Variants in SPOCK3 observed in about 807,000 individuals in gnomAD.
SPOCK3 encodes SPARC (osteonectin), cwcv and kazal like domains proteoglycan 3.
SPOCK3 carries 30 observed loss-of-function variants against 56.6 expected under a neutral mutation model. The ratio of observed to expected loss-of-function variants is 0.53; its 90% CI spans 0.40 to 0.72. The LOEUF is 0.72. Ranked by LOEUF, SPOCK3 falls within the 30% of genes least tolerant of loss-of-function variation. The pLI is 0.00. For missense variants in SPOCK3, 527 were observed against 530.0 expected (o/e 0.99, Z 0.06); for synonymous variants, 196 against 183.3 (o/e 1.07, Z -0.56).
chr4:167,047,384 A>G (rs1753827947), intron 3 of SPOCK3, among the ~76,000 whole-genome samples: 1 of 152,240 alleles, frequency 6.6e-6, no homozygotes, highest in South Asian at 2.1e-4. Flanking sequence ...CAACCTGATG[A>G]GGCTAGACAT....
chr4:167,085,035 A>G (rs956629991), intron 2 of SPOCK3, among the ~76,000 whole-genome samples: 2 of 152,058 alleles, frequency 1.3e-5, no homozygotes, highest in Non-Finnish European at 2.9e-5. Flanking sequence ...CTGGAAGCTT[A>G]TATGAGCAAA....
At chr4:166,744,556 T>TA (rs57112664) in intron 8 of SPOCK3, among the ~76,000 whole-genome samples, 37,093 of 151,992 alleles carry the variant, frequency 0.24, 5,544 homozygotes, top group African/African-American at 0.41. Context: ...CTGAAAATTC[T>TA]AAAAACCAGA....
intron 2 of SPOCK3, among the ~76,000 whole-genome samples, chr4:167,104,235 A>T (rs1398331510): frequency 6.6e-6 from 1 of 152,164 alleles, no homozygotes; most frequent in Non-Finnish European, 1.5e-5. Context: ...AAAACGAACT[A>T]AATAAGGCAC....
intron 7 of SPOCK3, among the ~76,000 whole-genome samples, chr4:166,780,871 T>C (rs958142725): frequency 1.3e-5 from 2 of 152,170 alleles, no homozygotes; most frequent in African/African-American, 2.4e-5. Flanking sequence ...GGACCCTCTC[T>C]GAGGCTCAGT....
intron 2 of SPOCK3, among the ~76,000 whole-genome samples, chr4:167,168,753 C>G (rs1730226497): frequency 6.6e-6 from 1 of 152,122 alleles, no homozygotes; most frequent in South Asian, 2.1e-4. Context: ...ATGTTAATCA[C>G]CAAGACAATG....
intron 10 of SPOCK3, 22 bp from the exon 11 acceptor site, chr4:166,735,112 C>T (rs1176372970): frequency 6.5e-7 from 1 of 1,529,234 alleles, no homozygotes; most frequent in Non-Finnish European, 8.9e-7. Context: ...TGAAAGTAAA[C>T]ATAACCTTTA....
At chr4:167,187,707 CTT>C (rs1268931015) in intron 2 of SPOCK3, among the ~76,000 whole-genome samples, 1 of 151,770 alleles carries the variant, frequency 6.6e-6, no homozygotes, top group Non-Finnish European at 1.5e-5. Context: ...TTATATATAT[CTT>C]ATGATTAATA....
rs77383675 is a variant in SPOCK3, at chr4:166,794,953, A to G, written c.590-2664T>C. 4.4e-3 allele frequency among the ~76,000 whole-genome samples: 671 copies of G among 152,232 alleles called. 4 individuals are homozygous for G. The highest frequency in any genetic ancestry group is 0.015 in the African/African-American group (635 of 41,552). ...TCACCGCGCCGGCCCGTTTCTTAAA[A>G]ATGTATCGTGCAGGTATACTACATG... On this transcript the variant is annotated intron_variant, in intron 6 of 10. Transcript: ENST00000357545.
intron 2 of SPOCK3, among the ~76,000 whole-genome samples, chr4:167,222,551 T>C (rs1736046697): frequency 2.1e-5 from 3 of 145,180 alleles, no homozygotes; most frequent in African/African-American, 7.5e-5. Flanking sequence ...TATATGAATA[T>C]ATAATATATA....
chr4:166,817,504 AG>A (rs1430894118), intron 6 of SPOCK3, among the ~76,000 whole-genome samples: 2 of 152,048 alleles, frequency 1.3e-5, no homozygotes, highest in African/African-American at 4.8e-5. Context: ...GCAGAAGTTC[AG>A]GGTCACAGAG....
At chr4:167,115,080 T>G (rs1361484043) in intron 2 of SPOCK3, among the ~76,000 whole-genome samples, 3 of 152,114 alleles carry the variant, frequency 2.0e-5, no homozygotes, top group African/African-American at 7.2e-5. Context: ...AAACATAATA[T>G]TTGATATTGC....
chr4:167,178,361 A>T (rs1731162302), intron 2 of SPOCK3, among the ~76,000 whole-genome samples: 1 of 152,154 alleles, frequency 6.6e-6, no homozygotes, highest in African/African-American at 2.4e-5. Context: ...ATTTTCACTT[A>T]GGCAGACTCT....
intron 2 of SPOCK3, among the ~76,000 whole-genome samples, chr4:167,174,212 C>G (rs1450420921): frequency 6.6e-6 from 1 of 151,742 alleles, no homozygotes; most frequent in Non-Finnish European, 1.5e-5. Context: ...TATGATTTGT[C>G]CAGTACAAGA....
intron 2 of SPOCK3, among the ~76,000 whole-genome samples, chr4:167,174,824 C>T (rs1325696565): frequency 2.0e-5 from 3 of 152,210 alleles, no homozygotes; most frequent in African/African-American, 7.2e-5. Context: ...CACACGCACA[C>T]AAACACACAT....
chr4:167,034,713 T>C (rs1752583288), intron 3 of SPOCK3, among the ~76,000 whole-genome samples: 1 of 152,126 alleles, frequency 6.6e-6, no homozygotes, highest in South Asian at 2.1e-4. Context: ...AACAATGCTG[T>C]AGCTAGAAAA....
At chr4:167,226,413 A>C (rs895551677) in intron 2 of SPOCK3, among the ~76,000 whole-genome samples, 1 of 152,126 alleles carries the variant, frequency 6.6e-6, no homozygotes, top group Non-Finnish European at 1.5e-5. Context: ...TGGAAGAAAG[A>C]TTGATTAGGG....
At chr4:167,208,596 TA>T (rs1307789416) in intron 2 of SPOCK3, among the ~76,000 whole-genome samples, 1 of 152,120 alleles carries the variant, frequency 6.6e-6, no homozygotes, top group South Asian at 2.1e-4. Context: ...AACTGGTCTT[TA>T]TTTTTTTTCA....
chr4:166,737,904 A>T (rs1031122434), intron 9 of SPOCK3, among the ~76,000 whole-genome samples: 2 of 152,200 alleles, frequency 1.3e-5, no homozygotes, highest in Non-Finnish European at 2.9e-5. Flanking sequence ...CAGAGGCACA[A>T]TACAGAATTA....
intron 2 of SPOCK3, among the ~76,000 whole-genome samples, chr4:167,217,558 T>TG (rs1735491535): frequency 1.3e-5 from 2 of 152,168 alleles, no homozygotes; most frequent in South Asian, 4.1e-4. Context: ...TCTCTCCTGG[T>TG]GGGGGTGTCC....
Sources: allele counts gnomAD v4.1 joint callset (sites outside exome capture counted in the v4.1 genomes callset), GRCh38; gene constraint gnomAD v4.1.1; transcripts MANE v1.5; gene names NCBI Gene and HGNC (gene_info 2026-07-23, HGNC 2026-07-21).